PRKAR1B: variants seen among roughly 807,000 people sequenced by gnomAD.
The protein encoded by PRKAR1B is protein kinase cAMP-dependent type I regulatory subunit beta, also known as cAMP-dependent protein kinase type I-beta regulatory subunit.
Under a neutral mutation model 46.5 loss-of-function variants are expected in PRKAR1B, and 22 were observed. The ratio of observed to expected loss-of-function variants is 0.47; its 90% CI spans 0.34 to 0.68. PRKAR1B has a LOEUF of 0.68. Among genes scored for constraint, PRKAR1B ranks in the 30% least tolerant of loss-of-function variants. The probability of loss-of-function intolerance (pLI) is 0.01; values close to 1 mark genes in which losing one functional copy is unlikely to be tolerated. For missense variants in PRKAR1B, 445 were observed against 535.6 expected, an observed-to-expected ratio of 0.83 and a Z score of 1.67; for synonymous variants, 259 against 217.7, an observed-to-expected ratio of 1.19 and a Z score of -1.67.
intron 9 of PRKAR1B, among the ~76,000 whole-genome samples, chr7:557,217 G>A (rs571743635): frequency 1.8e-4 from 27 of 152,266 alleles, no homozygotes; most frequent in Non-Finnish European, 3.1e-4. Flanking sequence ...AGGACCCTCA[G>A]AGCCCAGCAG....
chr7:627,804 C>T (rs1203996392), intron 4 of PRKAR1B, among the ~76,000 whole-genome samples: 2 of 152,188 alleles, frequency 1.3e-5, no homozygotes, highest in African/African-American at 4.8e-5. Context: ...AAGATCCAGG[C>T]CACGACTGCC....
chr7:592,990 T>C (rs996456386), intron 7 of PRKAR1B, among the ~76,000 whole-genome samples: 1 of 152,176 alleles, frequency 6.6e-6, no homozygotes, highest in Non-Finnish European at 1.5e-5. Flanking sequence ...GAGCCGAGAT[T>C]GTGCCACTGC....
intron 7 of PRKAR1B, among the ~76,000 whole-genome samples, chr7:587,393 CGAG>C (rs978815561): frequency 2.7e-4 from 41 of 152,262 alleles, no homozygotes; most frequent in Admixed American, 1.2e-3. Flanking sequence ...CTCAGAGGGC[CGAG>C]GAGGAGGAGA....
intron 4 of PRKAR1B, among the ~76,000 whole-genome samples, chr7:660,935 C>G (rs1785506704): frequency 7.5e-6 from 1 of 133,280 alleles, no homozygotes; most frequent in Non-Finnish European, 1.6e-5. Flanking sequence ...GTCCCCAACC[C>G]AACGGGTCCA....
At chr7:691,444 A>C (rs1453745307) in intron 2 of PRKAR1B, 2 of 1,266,808 alleles carry the variant, frequency 1.6e-6, no homozygotes, top group East Asian at 1.1e-4. Flanking sequence ...ATGGAGAGGG[A>C]GTGCCTCCAC....
intron 9 of PRKAR1B, among the ~76,000 whole-genome samples, chr7:572,944 C>T (rs894700630): frequency 1.2e-4 from 19 of 152,230 alleles, no homozygotes; most frequent in African/African-American, 3.6e-4. Flanking sequence ...ATCTCCTCCA[C>T]GCGCTGCTTC....
intron 9 of PRKAR1B, among the ~76,000 whole-genome samples, chr7:557,499 C>T (rs943654734): frequency 6.6e-6 from 1 of 152,244 alleles, no homozygotes; most frequent in Non-Finnish European, 1.5e-5. Context: ...CCTGCGCACC[C>T]ATGGACATCT....
chr7:727,065 G>C, intron 1 of PRKAR1B, 145 bp downstream of exon 1: 5 of 1,057,258 alleles, frequency 4.7e-6, no homozygotes, highest in Non-Finnish European at 5.7e-6. Flanking sequence ...ATGCCCTGCC[G>C]CGCCTGCTGC....
At chr7:686,919 T>C (rs542711320) in intron 2 of PRKAR1B, among the ~76,000 whole-genome samples, 15 of 152,282 alleles carry the variant, frequency 9.9e-5, no homozygotes, top group African/African-American at 3.6e-4. Flanking sequence ...AAAGAAATCC[T>C]AGTAAATCCT....
At chr7:727,904 T>TTGGGG (rs373402051), upstream of PRKAR1B, among the ~76,000 whole-genome samples, 237 of 151,276 alleles carry the variant, frequency 1.6e-3, 1 homozygote, top group African/African-American at 5.4e-3. Context: ...GTTAGGCGGT[T>TTGGGG]TGGGGTGGGG....
At chr7:599,563 C>T (rs10269377) in intron 6 of PRKAR1B, among the ~76,000 whole-genome samples, 9,789 of 152,304 alleles carry the variant, frequency 0.064, 379 homozygotes, top group East Asian at 0.078. Context: ...GCTGGGATTA[C>T]AGGCGTGAGC....
At chr7:628,269 T>C (rs1284958941) in intron 4 of PRKAR1B, among the ~76,000 whole-genome samples, 1 of 152,170 alleles carries the variant, frequency 6.6e-6, no homozygotes, top group Non-Finnish European at 1.5e-5. Context: ...AGCCTAGAGC[T>C]GGAAACCTCA....
intron 9 of PRKAR1B, among the ~76,000 whole-genome samples, chr7:569,505 C>G (rs1042038157): frequency 2.0e-5 from 3 of 152,248 alleles, no homozygotes; most frequent in Non-Finnish European, 4.4e-5. Context: ...GGGACACAGC[C>G]CGTTGTGCCC....
chr7:580,829 C>T (rs558146714), intron 8 of PRKAR1B, among the ~76,000 whole-genome samples: 2 of 150,920 alleles, frequency 1.3e-5, no homozygotes, highest in South Asian at 4.2e-4. Context: ...AAATAAAAAG[C>T]AAAGCATTTA....
At chr7:588,681 A>ATGGTGATGGTGGTGATGG (rs201663338) in intron 7 of PRKAR1B, among the ~76,000 whole-genome samples, 3 of 20,180 alleles carry the variant, frequency 1.5e-4, no homozygotes, top group Admixed American at 6.2e-4. Flanking sequence ...GGTGATGACG[A>ATGGTGATGGTGGTGATGG]TGATGGTGAT....
intron 10 of PRKAR1B, among the ~76,000 whole-genome samples, 158 bp from the exon 11 acceptor site, chr7:550,760 G>C (rs568313049): frequency 6.6e-6 from 1 of 152,338 alleles, no homozygotes; most frequent in African/African-American, 2.4e-5. Flanking sequence ...AGTATAGCCC[G>C]AGAACTATTT....
At chr7:630,833 C>T (rs1041202380) in intron 4 of PRKAR1B, among the ~76,000 whole-genome samples, 1 of 152,180 alleles carries the variant, frequency 6.6e-6, no homozygotes, top group Non-Finnish European at 1.5e-5. Flanking sequence ...CAGGGAGCAC[C>T]ATCACCCAGG....
At chr7:645,087 T>C (rs1262978069) in intron 4 of PRKAR1B, among the ~76,000 whole-genome samples, 1 of 152,090 alleles carries the variant, frequency 6.6e-6, no homozygotes, top group Non-Finnish European at 1.5e-5. Flanking sequence ...CTGGCAGGGA[T>C]GCCTCCTCCA....
At chr7:599,730 T>G (rs897052818) in intron 6 of PRKAR1B, among the ~76,000 whole-genome samples, 7 of 152,144 alleles carry the variant, frequency 4.6e-5, no homozygotes, top group African/African-American at 1.4e-4. Context: ...ACCCTCTGTG[T>G]TTAGAAGTCA....
Sources: allele counts gnomAD v4.1 joint callset (sites outside exome capture counted in the v4.1 genomes callset), GRCh38; gene constraint gnomAD v4.1.1; transcripts MANE v1.5; gene names NCBI Gene and HGNC (gene_info 2026-07-23, HGNC 2026-07-21).